Variants in UBN1 observed in about 807,000 individuals in gnomAD.
The protein encoded by UBN1 is ubinuclein 1, also known as ubinuclein-1.
UBN1 carries 17 observed loss-of-function variants against 108.5 expected under a neutral mutation model. That is an observed-to-expected ratio of 0.16 (90% confidence interval 0.11 to 0.24). The LOEUF (loss-of-function observed/expected upper bound fraction) is 0.24. UBN1 is among the 10% of genes least tolerant of loss of function. The probability of loss-of-function intolerance (pLI) is 1.00; values close to 1 mark genes in which losing one functional copy is unlikely to be tolerated. For missense variants in UBN1, 1,595 were observed against 1,394.4 expected (o/e 1.14, Z -2.29); for synonymous variants, 726 against 564.2 (o/e 1.29, Z -4.07).
At chr16:4,871,576 C>CTTTTT (rs35865064) in intron 12 of UBN1, among the ~76,000 whole-genome samples, 4 of 88,422 alleles carry the variant, frequency 4.5e-5, no homozygotes, top group Non-Finnish European at 8.4e-5. Context: ...ATGCACTTTC[C>CTTTTT]TTTTTTTTTT....
rs1255933180 is a variant in UBN1, at chr16:4,874,721, A to C, written c.2311A>C (p.Lys771Gln). ...KELSCQAPLN[K>Q]GLPEVHQSKA... is the part of the protein sequence containing the mutation. ...GCTGTCCTGCCAGGCTCCCCTCAAT[A>C]AGGGCCTGCCAGAAGTACATCAGTC... Residue 771 changes from lysine to glutamine, a missense_variant, in exon 15 of 18, where the codon AAG (lysine) becomes CAG (glutamine). Lys to Gln is a moderately conservative substitution (Grantham distance 53). Coordinates refer to ENST00000262376, the MANE Select transcript of UBN1 (RefSeq NM_001079514.3). The C allele has an allele frequency of 1.2e-6, 2 of 1,613,992 alleles. No individual in the cohort carries two copies. The highest frequency in any genetic ancestry group is 1.1e-5 in the South Asian group (1 of 91,078).
At chr16:4,860,027 G>A in intron 6 of UBN1, 59 bp downstream of exon 6, 1 of 1,600,368 alleles carries the variant, frequency 6.2e-7, no homozygotes. Context: ...CAGGACGACT[G>A]GGAGCTGACT....
intron 7 of UBN1, among the ~76,000 whole-genome samples, chr16:4,867,851 G>C (rs2087414201): frequency 1.3e-5 from 2 of 152,110 alleles, no homozygotes. Flanking sequence ...TATCACCCTT[G>C]TTTGCTGTCG....
chr16:4,859,175 C>G lies in UBN1; in HGVS notation c.567+16C>G. ...ATCTCCAAAGGTTAGAATGTGCTTGCTTTTGGATTTCAGAAATGCTTTTTG... is the reference window on the plus strand; with the variant it reads ...ATCTCCAAAGGTTAGAATGTGCTTGGTTTTGGATTTCAGAAATGCTTTTTG... On this transcript the variant is annotated intron_variant, in intron 5 of 17. Transcript: ENST00000262376. 1 of 1,607,904 alleles carries G rather than the reference C, an allele frequency of 6.2e-7. No individual in the cohort carries two copies. Among genetic ancestry groups the G allele is most frequent in the Non-Finnish European group, 8.5e-7 (1 of 1,178,832 alleles).
intron 12 of UBN1, among the ~76,000 whole-genome samples, chr16:4,871,912 G>A (rs912695677): frequency 1.3e-4 from 20 of 152,286 alleles, no homozygotes; most frequent in Middle Eastern, 3.4e-3. Context: ...CATACAGGCT[G>A]CTATGAGCAT....
chr16:4,879,432 A>G (rs1013239997), intron 17 of UBN1, among the ~76,000 whole-genome samples: 1 of 152,252 alleles, frequency 6.6e-6, no homozygotes, highest in Non-Finnish European at 1.5e-5. Context: ...CCTGGGCAAC[A>G]TAGTGAGACC....
At chr16:4,848,877 G>C (rs2086361707) in intron 1 of UBN1, among the ~76,000 whole-genome samples, 1 of 152,152 alleles carries the variant, frequency 6.6e-6, no homozygotes, top group South Asian at 2.1e-4. Flanking sequence ...GAGGCGGGTG[G>C]ACCACCTGAG....
At chr16:4,871,533 C>T (rs540555574) in intron 12 of UBN1, among the ~76,000 whole-genome samples, 16 of 150,156 alleles carry the variant, frequency 1.1e-4, no homozygotes, top group Admixed American at 1.1e-3. Context: ...TTTTTTGTCC[C>T]ACTTCAGTTG....
chr16:4,864,854 A>G (rs955438051), intron 7 of UBN1, among the ~76,000 whole-genome samples: 5 of 150,626 alleles, frequency 3.3e-5, no homozygotes, highest in Non-Finnish European at 7.3e-5. Context: ...TCCAAAGAGA[A>G]TAACGTAGGG....
Position 4,876,977 on chromosome 16 carries a change from G to A in UBN1, c.3131G>A (p.Gly1044Glu). Residue 1044 changes from glycine (G) to glutamate (E), a missense_variant, in exon 16 of 18, where the codon GGA (glycine) becomes GAA (glutamate). Coordinates refer to ENST00000262376, the MANE Select transcript of UBN1 (RefSeq NM_001079514.3). ...LSGAMSSNSL[G>E]IITPVPIPVH... is the part of the protein sequence containing the mutation. ...GGGGCCATGAGCTCGAACTCCTTGG[G>A]AATTATAACCCCTGTCCCTATTCCT... The A allele has an allele frequency of 6.2e-7, 1 of 1,614,204 alleles. No individual in the cohort carries two copies. The highest frequency in any genetic ancestry group is 8.5e-7 in the Non-Finnish European group (1 of 1,180,038).
chr16:4,873,104 C>T (rs1206747704), intron 14 of UBN1, 31 bp downstream of exon 14: 1 of 1,613,784 alleles, frequency 6.2e-7, no homozygotes, highest in South Asian at 1.1e-5. Flanking sequence ...CACATGTCAG[C>T]TATGCCCATC....
rs778969367 is a variant in UBN1, at chr16:4,875,397, C to T, written c.2987C>T (p.Ser996Phe). 9.3e-6 allele frequency: 15 copies of T among 1,613,916 alleles called. No individual in the cohort carries two copies. Among genetic ancestry groups the T allele is most frequent in the Non-Finnish European group, 1.3e-5 (15 of 1,179,900 alleles). The change falls in exon 15 of 18, where the codon TCT becomes TTT. Residue 996 changes from serine to phenylalanine, a missense_variant. Physicochemically the swap from Ser to Phe is radical, Grantham distance 155. Around this residue, in one of 3 missense-constraint regions of UBN1, gnomAD observed 1,398 missense variants for 1,194.7 expected, o/e 1.17. Transcript: ENST00000262376. ...KLLTSPSLKP[S>F]AVSSVTSSTS... ...CTGACCTCGCCGTCCCTAAAGCCCT[C>T]TGCAGTTAGTAGTGTGACATCGTCT...
chr16:4,861,355 C>T (rs961043792), intron 7 of UBN1, among the ~76,000 whole-genome samples: 3 of 152,200 alleles, frequency 2.0e-5, no homozygotes, highest in Non-Finnish European at 4.4e-5. Flanking sequence ...TGTTCTCTTT[C>T]TGTTTTCTGT....
chr16:4,872,348 T>G (rs1407778425), intron 12 of UBN1: 1 of 985,064 alleles, frequency 1.0e-6, no homozygotes, highest in Non-Finnish European at 1.2e-6. Context: ...GAGCCATACA[T>G]TTTCTTGGTA....
chr16:4,878,944 C>T (rs961563242), intron 17 of UBN1, among the ~76,000 whole-genome samples: 2 of 152,050 alleles, frequency 1.3e-5, no homozygotes, highest in African/African-American at 4.8e-5. Flanking sequence ...CCGAGGAGGT[C>T]GAGGCTGCAG....
chr16:4,873,138 C>T (rs1483256021), intron 14 of UBN1, 65 bp downstream of exon 14: 2 of 1,601,802 alleles, frequency 1.2e-6, no homozygotes, highest in Admixed American at 1.7e-5. Context: ...GCTCTGGAAA[C>T]AGTCAAGTGA....
intron 1 of UBN1, chr16:4,852,212 A>G (rs1172979573): frequency 4.6e-5 from 7 of 152,266 alleles, no homozygotes; most frequent in Non-Finnish European, 8.8e-5. Flanking sequence ...TAGCATATTC[A>G]TATTCTGTGA....
chr16:4,875,479 C>A (rs1321629580), intron 15 of UBN1, 45 bp downstream of exon 15: 1 of 1,559,676 alleles, frequency 6.4e-7, no homozygotes, highest in Admixed American at 1.9e-5. Context: ...CTCACAGGGG[C>A]CTTGGGGATG....
Position 4,849,576 on chromosome 16 carries a change from A to G in UBN1, c.-40+1366A>G, listed in dbSNP as rs2086436134. On this transcript the variant is annotated intron_variant, in intron 1 of 17. Coordinates refer to ENST00000262376, the MANE Select transcript of UBN1 (RefSeq NM_001079514.3). ...CAGTAACACCAACTGAGGTTTTTAA[A>G]GGGGGATCTTTGTTTTTTTCTTTTT... Among the ~76,000 whole-genome samples the G allele has an allele frequency of 2.0e-5, 3 of 151,800 alleles. No homozygotes were observed. In the South Asian group the frequency reaches 6.2e-4, roughly 32 times the overall value.
Sources: allele counts gnomAD v4.1 joint callset (sites outside exome capture counted in the v4.1 genomes callset), GRCh38; gene constraint gnomAD v4.1.1; regional missense constraint gnomAD v4.1.1; transcripts MANE v1.5; gene names NCBI Gene and HGNC (gene_info 2026-07-23, HGNC 2026-07-21).